ESRRB: variants seen among roughly 807,000 people sequenced by gnomAD.
ESRRB encodes steroid hormone receptor ERR2.
ESRRB carries 16 observed loss-of-function variants against 46.0 expected under a neutral mutation model. That is an observed-to-expected ratio of 0.35 (90% CI 0.24 to 0.53). The LOEUF is 0.53. Ranked by LOEUF, ESRRB falls within the 20% of genes least tolerant of loss-of-function variation. ESRRB has a pLI of 0.93. For missense variants in ESRRB, 488 were observed against 607.4 expected, an observed-to-expected ratio of 0.80 and a Z score of 2.07; for synonymous variants, 246 against 259.6, an observed-to-expected ratio of 0.95 and a Z score of 0.50.
chr14:76,339,648 A>G (rs1472980400), intron 1 of ESRRB, among the ~76,000 whole-genome samples: 1 of 152,164 alleles, frequency 6.6e-6, no homozygotes, highest in Non-Finnish European at 1.5e-5. Flanking sequence ...CAGAGAAAGC[A>G]GCCTGGGTGA....
chr14:76,451,542 C>T (rs1888379150), intron 2 of ESRRB, among the ~76,000 whole-genome samples: 1 of 152,190 alleles, frequency 6.6e-6, no homozygotes, highest in African/African-American at 2.4e-5. Flanking sequence ...CAAGATAATT[C>T]AGGCAACAAT....
chr14:76,327,845 A>G (rs1413011557), intron 1 of ESRRB, among the ~76,000 whole-genome samples: 35 of 151,482 alleles, frequency 2.3e-4, no homozygotes, highest in Non-Finnish European at 7.4e-5. Flanking sequence ...CTGGGATTAT[A>G]GGCACGTGCC....
intron 1 of ESRRB, among the ~76,000 whole-genome samples, chr14:76,409,317 C>G (rs117669357): frequency 0.011 from 1,609 of 152,070 alleles, 15 homozygotes; most frequent in Middle Eastern, 0.017. Flanking sequence ...TGACAAGCAG[C>G]CTAAATGGGA....
At chr14:76,377,980 A>G (rs1168863616) in intron 1 of ESRRB, among the ~76,000 whole-genome samples, 2 of 152,138 alleles carry the variant, frequency 1.3e-5, no homozygotes, top group East Asian at 3.9e-4. Context: ...CATCAGCTTG[A>G]AAAGTGGCTT....
chr14:76,351,044 G>A (rs1884307622), intron 1 of ESRRB, among the ~76,000 whole-genome samples: 1 of 152,184 alleles, frequency 6.6e-6, no homozygotes, highest in Admixed American at 6.5e-5. Flanking sequence ...GAGACCACAG[G>A]TTGGGGGTAG....
At chr14:76,442,425 G>A (rs945903060) in intron 2 of ESRRB, among the ~76,000 whole-genome samples, 22 of 152,018 alleles carry the variant, frequency 1.4e-4, no homozygotes, top group Non-Finnish European at 2.2e-4. Context: ...GCAGTGAGCC[G>A]AGATGGCACC....
At chr14:76,399,107 C>T (rs1885825537) in intron 1 of ESRRB, among the ~76,000 whole-genome samples, 2 of 152,096 alleles carry the variant, frequency 1.3e-5, no homozygotes, top group South Asian at 4.1e-4. Context: ...CAGATGGGTC[C>T]AAACAGCAGA....
At chr14:76,395,301 T>C (rs1358723855) in intron 1 of ESRRB, among the ~76,000 whole-genome samples, 2 of 152,198 alleles carry the variant, frequency 1.3e-5, no homozygotes, top group Non-Finnish European at 2.9e-5. Context: ...AGTACCTAAC[T>C]GGCCATCCCT....
At chr14:76,470,893 A>G (rs1889352774) in intron 3 of ESRRB, among the ~76,000 whole-genome samples, 1 of 152,128 alleles carries the variant, frequency 6.6e-6, no homozygotes, top group African/African-American at 2.4e-5. Flanking sequence ...GGTCTTGCTT[A>G]TATTGCCCAG....
At chr14:76,311,626 G>A (rs188048832) in intron 1 of ESRRB, among the ~76,000 whole-genome samples, 35 of 152,342 alleles carry the variant, frequency 2.3e-4, no homozygotes, top group Admixed American at 1.8e-3. Flanking sequence ...GAACTTGGCT[G>A]GGGACTGGGA....
chr14:76,376,934 G>C lies in ESRRB; in HGVS notation c.50+483G>C, dbSNP rs58546422. Among the ~76,000 whole-genome samples the C allele has an allele frequency of 0.014, 2,078 of 152,274 alleles. 50 individuals are homozygous for C. Among genetic ancestry groups the C allele is most frequent in the African/African-American group, 0.047 (1,952 of 41,560 alleles). ...CAAGAGAGAGAAAATCGAACGTGCC[G>C]CGGCGGTTTGGAAACTGCAGGCGGC... is the stretch of plus-strand genomic sequence containing the variant. On this transcript the variant is annotated intron_variant, in intron 1 of 6. Coordinates refer to ENST00000644823, the MANE Select transcript of ESRRB (RefSeq NM_001379180.1). This position sits in a 1 kb window ranked among gnomAD's most constrained non-coding sequence, Gnocchi z 4.1.
intron 2 of ESRRB, among the ~76,000 whole-genome samples, chr14:76,450,051 TA>T (rs1194693735): frequency 6.6e-6 from 1 of 151,702 alleles, no homozygotes; most frequent in Non-Finnish European, 1.5e-5. Context: ...AAGCTGACAA[TA>T]AATATGATAA....
Position 76,482,500 on chromosome 14 carries a change from C to A in ESRRB, c.689-98C>A. 3 of 1,324,586 alleles carry A rather than the reference C, an allele frequency of 2.3e-6. No homozygotes were observed. The highest frequency in any genetic ancestry group is 2.4e-5 in the South Asian group (2 of 81,814). 82.1% of individuals were successfully genotyped at this position (1,324,586 alleles called of 1,614,324 possible). A position where few individuals can be genotyped will look rare whatever the true frequency, so the allele number is the denominator to read the frequency against. ...TAGCCGCTTTGACCTTCCTGGAGCT[C>A]TTAGGAACCCAACTTTGCTTCCTGA... is the stretch of plus-strand genomic sequence containing the variant. On this transcript the variant is annotated intron_variant, in intron 4 of 6. Coordinates refer to ENST00000644823, the MANE Select transcript of ESRRB (RefSeq NM_001379180.1). The surrounding 1 kb of genome is among the most constrained non-coding windows in gnomAD (Gnocchi z 4.3).
intron 2 of ESRRB, among the ~76,000 whole-genome samples, chr14:76,450,151 G>T (rs1888328779): frequency 1.3e-5 from 2 of 151,178 alleles, no homozygotes; most frequent in Admixed American, 1.3e-4. Context: ...AAGGGGGGGG[G>T]TCTCATTTAG....
chr14:76,498,862 G>A lies in ESRRB; in HGVS notation c.*404G>A, dbSNP rs1890545223. On this transcript the variant is annotated 3_prime_UTR_variant, in exon 7 of 7. Transcript: ENST00000644823. ...CCTCCCCCATCTGTGGCCTGGGTGG[G>A]CACTGCTCAGGCTGGATACCACCTG... is the stretch of plus-strand genomic sequence containing the variant. 4 of 542,452 alleles carry A rather than the reference G, an allele frequency of 7.4e-6. No homozygotes were observed. Among genetic ancestry groups the A allele is most frequent in the Admixed American group, 3.9e-5 (2 of 51,698 alleles). The allele number at this position is 542,452 out of a possible 1,614,324, so 33.6% of individuals were successfully genotyped here.
chr14:76,458,845 T>A (rs1311946212), intron 2 of ESRRB, among the ~76,000 whole-genome samples: 1 of 145,610 alleles, frequency 6.9e-6, no homozygotes, highest in Non-Finnish European at 1.5e-5. Context: ...CTCTCCTTTT[T>A]TTTTTTTTTT....
Position 76,461,045 on chromosome 14 carries a change from C to A in ESRRB, c.461-1500C>A, listed in dbSNP as rs143831475. On this transcript the variant is annotated intron_variant, in intron 2 of 6. Transcript: ENST00000644823. ...CTTTACCTCCCCCACCTGCTCTCCCCCCATCGTCTTTCCCTCCATTACCAG... is the reference window on the plus strand; with the variant it reads ...CTTTACCTCCCCCACCTGCTCTCCCACCATCGTCTTTCCCTCCATTACCAG... 1.3e-3 allele frequency among the ~76,000 whole-genome samples: 205 copies of A among 152,110 alleles called. 4 individuals are homozygous for A. The East Asian group carries it at 0.033, about 24-fold the overall frequency.
intron 1 of ESRRB, among the ~76,000 whole-genome samples, chr14:76,350,078 T>A (rs930029212): frequency 2.0e-5 from 3 of 152,218 alleles, no homozygotes; most frequent in Non-Finnish European, 2.9e-5. Flanking sequence ...ACTCCCTTGC[T>A]GCCACCCACC....
intron 1 of ESRRB, among the ~76,000 whole-genome samples, chr14:76,354,959 C>T (rs1184033372): frequency 2.0e-5 from 3 of 152,090 alleles, no homozygotes; most frequent in Non-Finnish European, 4.4e-5. Context: ...GATCCACCCA[C>T]CTCAGCCTCC....
Sources: allele counts gnomAD v4.1 joint callset (sites outside exome capture counted in the v4.1 genomes callset), GRCh38; gene constraint gnomAD v4.1.1; non-coding constraint Gnocchi (gnomAD v3.1); transcripts MANE v1.5; gene names NCBI Gene and HGNC (gene_info 2026-07-23, HGNC 2026-07-21).